Variants in ALMS1 observed in about 807,000 individuals in gnomAD.
The protein encoded by ALMS1 is centrosome-associated protein ALMS1.
A neutral mutation model predicts 352.2 loss-of-function variants in ALMS1; 271 were observed. That is an observed-to-expected ratio of 0.77 (90% CI 0.70 to 0.85). The LOEUF (loss-of-function observed/expected upper bound fraction) is 0.85. Among genes scored for constraint, ALMS1 ranks in the 40% least tolerant of loss-of-function variants. The probability of loss-of-function intolerance (pLI) is 0.00; values close to 1 mark genes in which losing one functional copy is unlikely to be tolerated. For synonymous variants in ALMS1, 1,865 were observed against 1,761.2 expected (o/e 1.06, Z -1.48); for missense variants, 5,445 against 4,870.7 (o/e 1.12, Z -3.51).
chr2:73,387,718 A>G (rs1670568138), intron 1 of ALMS1, among the ~76,000 whole-genome samples: 1 of 152,202 alleles, frequency 6.6e-6, no homozygotes, highest in Non-Finnish European at 1.5e-5. Context: ...TAGGTGTTTC[A>G]GAAAGGTCAG....
chr2:73,484,754 C>A (rs1273861683), intron 9 of ALMS1, among the ~76,000 whole-genome samples: 1 of 152,196 alleles, frequency 6.6e-6, no homozygotes, highest in Non-Finnish European at 1.5e-5. Flanking sequence ...TCCCATATTT[C>A]TTGGAGGCTT....
chr2:73,414,489 G>GTTTTTTTTTTGT (rs1671146082), intron 2 of ALMS1, among the ~76,000 whole-genome samples: 2 of 94,252 alleles, frequency 2.1e-5, no homozygotes, highest in African/African-American at 8.9e-5. Flanking sequence ...TTTTTTTTTT[G>GTTTTTTTTTTGT]TTTTTTTTTT....
Position 73,400,849 on chromosome 2 carries a change from G to A in ALMS1, c.325-7773G>A, listed in dbSNP as rs910005361. On this transcript the variant is annotated intron_variant, in intron 1 of 22. Transcript: ENST00000613296. ...GTCACCGAGGCAGGAGTGCAATGGC[G>A]CAGTCTCCCTCACTGCAACCTCTGC... 4.6e-5 allele frequency among the ~76,000 whole-genome samples: 7 copies of A among 152,034 alleles called. No individual in the cohort carries two copies. The East Asian group carries it at 9.7e-4, about 21-fold the overall frequency.
intron 1 of ALMS1, among the ~76,000 whole-genome samples, chr2:73,404,415 A>T (rs1175318033): frequency 4.6e-5 from 7 of 151,294 alleles, no homozygotes; most frequent in Non-Finnish European, 8.8e-5. Context: ...GAGCTGTGGG[A>T]CATACAGCTT....
chr2:73,560,049 G>GA lies in ALMS1; in HGVS notation c.10384+911dup, dbSNP rs938994373. ...AGACCAATGAAACTACATCAAACTT[G>GA]AAAACTTCTGCATGACAAAGTAGAC... is the stretch of plus-strand genomic sequence containing the variant. On this transcript the variant is annotated intron_variant, in intron 15 of 22. Coordinates refer to ENST00000613296, the MANE Select transcript of ALMS1 (RefSeq NM_001378454.1). 9.7e-4 allele frequency among the ~76,000 whole-genome samples: 148 copies of GA among 152,218 alleles called. 2 individuals carry two copies. Among genetic ancestry groups the GA allele is most frequent in the African/African-American group, 3.4e-3 (142 of 41,550 alleles).
chr2:73,433,837 G>A (rs1372912130), intron 7 of ALMS1, among the ~76,000 whole-genome samples: 1 of 152,080 alleles, frequency 6.6e-6, no homozygotes, highest in Non-Finnish European at 1.5e-5. Context: ...ATCAGCTTTT[G>A]CAATTTGTGT....
intron 21 of ALMS1, chr2:73,603,748 T>G (rs891160838): frequency 4.6e-6 from 1 of 216,152 alleles, no homozygotes; most frequent in Non-Finnish European, 9.3e-6. Flanking sequence ...TAATCCCAGC[T>G]ACTCAGTAGG....
intron 1 of ALMS1, among the ~76,000 whole-genome samples, chr2:73,393,494 G>T (rs1205879104): frequency 2.0e-5 from 3 of 151,768 alleles, no homozygotes; most frequent in Non-Finnish European, 2.9e-5. Flanking sequence ...GGCTTTTAGT[G>T]TATCCATCAC....
At chr2:73,478,519 C>T (rs1257800776) in intron 9 of ALMS1, among the ~76,000 whole-genome samples, 1 of 152,190 alleles carries the variant, frequency 6.6e-6, no homozygotes, top group East Asian at 1.9e-4. Flanking sequence ...ATATTTGCTT[C>T]CCACTGATAT....
intron 1 of ALMS1, among the ~76,000 whole-genome samples, chr2:73,392,041 C>T (rs1670656917): frequency 6.6e-6 from 1 of 151,752 alleles, no homozygotes; most frequent in Non-Finnish European, 1.5e-5. Flanking sequence ...TTTCATTTGC[C>T]TCTGTGGTTA....
chr2:73,521,192 G>A (rs1026442302), intron 11 of ALMS1, among the ~76,000 whole-genome samples: 1 of 152,138 alleles, frequency 6.6e-6, no homozygotes, highest in Non-Finnish European at 1.5e-5. Context: ...ACCTTTATGT[G>A]TTGGTTACCT....
chr2:73,432,182 A>T lies in ALMS1; in HGVS notation c.1339-16A>T. ...AGTCTTTTTCATTTTTATTGCCTTC[A>T]TTTGTTCCACATAAGCCAACAAGAG... On this transcript the variant is annotated splice_polypyrimidine_tract_variant and intron_variant, in intron 6 of 22. Coordinates refer to ENST00000613296, the MANE Select transcript of ALMS1 (RefSeq NM_001378454.1). 1 of 1,595,784 alleles carries T rather than the reference A, an allele frequency of 6.3e-7. No individual in the cohort carries two copies. Among genetic ancestry groups the T allele is most frequent in the Non-Finnish European group, 8.6e-7 (1 of 1,163,648 alleles).
intron 16 of ALMS1, among the ~76,000 whole-genome samples, chr2:73,592,043 A>G (rs749383132): frequency 2.0e-5 from 3 of 152,112 alleles, no homozygotes; most frequent in African/African-American, 7.2e-5. Flanking sequence ...GACTGTAATA[A>G]TTTCCACTGC....
Position 73,451,418 on chromosome 2 carries a change from G to A in ALMS1, c.4891G>A (p.Ala1631Thr). ...GEKPITFYRQ[A>T]LLDSPLNKEV... ...GAAGCCCATTACTTTCTACCGGCAGGCTCTGCTAGACAGTCCTCTAAATAA... is the reference window on the plus strand; with the variant it reads ...GAAGCCCATTACTTTCTACCGGCAGACTCTGCTAGACAGTCCTCTAAATAA... The change falls in exon 8 of 23, where the codon GCT becomes ACT. Residue 1631 changes from alanine (A) to threonine (T), a missense_variant. Transcript: ENST00000613296. 1 of 1,613,822 alleles carries A rather than the reference G, an allele frequency of 6.2e-7. No homozygotes were observed. Among genetic ancestry groups the A allele is most frequent in the Non-Finnish European group, 8.5e-7 (1 of 1,179,940 alleles).
intron 16 of ALMS1, among the ~76,000 whole-genome samples, chr2:73,581,308 G>A (rs1048866382): frequency 5.3e-5 from 8 of 152,316 alleles, no homozygotes; most frequent in Admixed American, 2.6e-4. Flanking sequence ...TATGTTAGGT[G>A]AAACTAAGGC....
intron 10 of ALMS1, among the ~76,000 whole-genome samples, chr2:73,505,979 G>A (rs558165934): frequency 2.6e-5 from 4 of 152,122 alleles, no homozygotes; most frequent in Non-Finnish European, 5.9e-5. Context: ...TAAGGTGTAA[G>A]GAAGGGATCC....
intron 11 of ALMS1, among the ~76,000 whole-genome samples, chr2:73,532,580 C>T (rs1295170101): frequency 6.6e-6 from 1 of 152,164 alleles, no homozygotes; most frequent in African/African-American, 2.4e-5. Context: ...GCTCTTTCGT[C>T]ACCTTGGGTG....
intron 7 of ALMS1, among the ~76,000 whole-genome samples, chr2:73,437,764 C>G (rs1671634740): frequency 1.3e-5 from 2 of 152,104 alleles, no homozygotes; most frequent in Non-Finnish European, 2.9e-5. Context: ...CTGCGAGGTC[C>G]TCAAAGGGCC....
chr2:73,535,193 G>A (rs989076583), intron 12 of ALMS1, among the ~76,000 whole-genome samples: 1 of 152,084 alleles, frequency 6.6e-6, no homozygotes, highest in South Asian at 2.1e-4. Flanking sequence ...GCTCCATCTA[G>A]GGCAAAGTTT....
Sources: gnomAD v4.1 joint callset for allele counts (sites outside exome capture counted in the v4.1 genomes callset) on GRCh38, gnomAD v4.1.1 for gene constraint, MANE v1.5 for transcripts, NCBI Gene and HGNC (gene_info 2026-07-23, HGNC 2026-07-21) for gene names.